Variants in PLXNB1 observed in about 807,000 individuals in gnomAD.
The protein encoded by PLXNB1 is plexin-B1.
PLXNB1 carries 106 observed loss-of-function variants against 209.4 expected under a neutral mutation model. The ratio of observed to expected loss-of-function variants is 0.51; its 90% CI spans 0.43 to 0.59. The LOEUF is 0.59. Ranked by LOEUF, PLXNB1 falls within the 20% of genes least tolerant of loss-of-function variation. PLXNB1 has a pLI of 0.00. For synonymous variants in PLXNB1, 1,167 were observed against 1,183.2 expected (o/e 0.99, Z 0.28); for missense variants, 2,357 against 2,853.2 (o/e 0.83, Z 3.96).
At chr3:48,421,109 G>A (rs2038487159) in intron 8 of PLXNB1, 119 bp downstream of exon 8, 1 of 1,349,682 alleles carries the variant, frequency 7.4e-7, no homozygotes. Flanking sequence ...GTTGGGGAGT[G>A]GGAGGACCCA....
chr3:48,419,560 C>T lies in PLXNB1; in HGVS notation c.2709+17G>A, dbSNP rs745872774. ...ACATCCCCTCCCCTGAGGCCTCCTT[C>T]CTGGGCTGGGCCTCACCAGCTCCCA... is the stretch of plus-strand genomic sequence containing the variant. On this transcript the variant is annotated intron_variant, in intron 11 of 37. Coordinates refer to ENST00000296440, the MANE Select transcript of PLXNB1 (RefSeq NM_001130082.3). This position sits in a 1 kb window ranked among gnomAD's most constrained non-coding sequence, Gnocchi z 5.7. 4 of 1,594,942 alleles carry T rather than the reference C, an allele frequency of 2.5e-6. No homozygotes were observed. The Admixed American group carries it at 6.7e-5, about 27-fold the overall frequency.
chr3:48,414,194 T>G (rs1416247988), intron 21 of PLXNB1, 123 bp from the exon 22 acceptor site: 11 of 861,748 alleles, frequency 1.3e-5, no homozygotes, highest in Non-Finnish European at 2.1e-5. Context: ...TCAGCACCCT[T>G]CCCGAGTGCA....
At position 48,413,988 on chromosome 3, in the gene PLXNB1, C is replaced by T. The variant is rs148631078; in HGVS notation, c.4293G>A (p.Thr1431=). ...GDGPCVVKTL[T]RHHLYCEPPV... ...GGGGCTCGCAGTACAGGTGGTGCCG[C>T]GTCAGCGTCTTCACCACACAGGGGC... Residue 1431 remains threonine, a synonymous_variant, in exon 22 of 38, where the codon ACG becomes ACA. Transcript: ENST00000296440. This position sits in a 1 kb window ranked among gnomAD's most constrained non-coding sequence, Gnocchi z 5.4. The T allele has an allele frequency of 7.9e-5, 127 of 1,613,682 alleles. No individual in the cohort carries two copies. The African/African-American group carries it at 9.2e-4, about 12-fold the overall frequency.
intron 1 of PLXNB1, among the ~76,000 whole-genome samples, chr3:48,428,658 A>G (rs890522895): frequency 6.6e-6 from 1 of 151,872 alleles, no homozygotes; most frequent in South Asian, 2.1e-4. Flanking sequence ...TACAGAGGTG[A>G]GTTATTCATT....
chr3:48,425,026 C>T (rs1032505271), intron 2 of PLXNB1, among the ~76,000 whole-genome samples: 1 of 152,152 alleles, frequency 6.6e-6, no homozygotes, highest in Non-Finnish European at 1.5e-5. Flanking sequence ...ATGAGGGTTT[C>T]CCGGGCAGAA....
At position 48,424,127 on chromosome 3, in the gene PLXNB1, C is replaced by T. The variant is rs764543285; in HGVS notation, c.485G>A (p.Gly162Glu). Reference sequence around the variant, plus strand: ...TCGCCCCACAAACAGGAGGGGCTCCCCTGCCAAGCCCTGGGCTACCAGCCC... The same window carrying T: ...TCGCCCCACAAACAGGAGGGGCTCCTCTGCCAAGCCCTGGGCTACCAGCCC... ...TVGLVAQGLAGEPLLFVGRGY... is the reference protein window; with the variant it reads ...TVGLVAQGLAEEPLLFVGRGY... Residue 162 changes from glycine to glutamate, a missense_variant, in exon 3 of 38, where the codon GGG (glycine) becomes GAG (glutamate). Transcript: ENST00000296440. 4.1e-5 allele frequency: 63 copies of T among 1,553,726 alleles called. No individual in the cohort carries two copies. Among genetic ancestry groups the T allele is most frequent in the Non-Finnish European group, 5.5e-5 (63 of 1,149,114 alleles).
At chr3:48,421,976 G>A (rs893508132) in intron 6 of PLXNB1, 129 bp downstream of exon 6, 3 of 1,292,256 alleles carry the variant, frequency 2.3e-6, no homozygotes, top group Non-Finnish European at 3.3e-6. Flanking sequence ...GGATGGGGGT[G>A]AGGAATTGGG....
At position 48,419,497 on chromosome 3, in the gene PLXNB1, G is replaced by T; in HGVS notation, c.2709+80C>A. On this transcript the variant is annotated intron_variant, in intron 11 of 37. Coordinates refer to ENST00000296440, the MANE Select transcript of PLXNB1 (RefSeq NM_001130082.3). This position sits in a 1 kb window ranked among gnomAD's most constrained non-coding sequence, Gnocchi z 5.7. ...ACCCTGCCCCTCACCTCCTCCCAGT[G>T]CAGAATCACAAGGCAAGCTAGGGGT... 6.6e-7 allele frequency: 1 copy of T among 1,511,774 alleles called. No individual in the cohort carries two copies. Among genetic ancestry groups the T allele is most frequent in the African/African-American group, 1.4e-5 (1 of 73,118 alleles). 93.6% of individuals were successfully genotyped at this position (1,511,774 alleles called of 1,614,324 possible). A position where few individuals can be genotyped will look rare whatever the true frequency, so the allele number is the denominator to read the frequency against.
chr3:48,413,012 G>A lies in PLXNB1; in HGVS notation c.4637-53C>T, dbSNP rs987105657. The A allele has an allele frequency of 1.9e-6, 3 of 1,603,308 alleles. No individual in the cohort carries two copies. The highest frequency in any genetic ancestry group is 1.1e-5 in the South Asian group (1 of 90,884). On this transcript the variant is annotated intron_variant, in intron 24 of 37. Transcript: ENST00000296440. The surrounding 1 kb of genome is among the most constrained non-coding windows in gnomAD (Gnocchi z 5.4). ...CACCTGTTAAGCACCAATCCCGTGT[G>A]ATGGGAGTGGGTTTGGGCAGAGTTC...
Position 48,410,824 on chromosome 3 carries a change from G to A in PLXNB1, c.5416+44C>T, listed in dbSNP as rs749471697. On this transcript the variant is annotated intron_variant, in intron 29 of 37. Transcript: ENST00000296440. The surrounding 1 kb of genome is among the most constrained non-coding windows in gnomAD (Gnocchi z 6.4). Reference sequence around the variant, plus strand: ...CAGAGTTGGTCCGGGGCCAGCCCAGGCCCAACAGTGGCTCAGGTCCCCAGG... The same window carrying A: ...CAGAGTTGGTCCGGGGCCAGCCCAGACCCAACAGTGGCTCAGGTCCCCAGG... The A allele has an allele frequency of 1.8e-5, 28 of 1,571,530 alleles. No homozygotes were observed. Among genetic ancestry groups the A allele is most frequent in the Non-Finnish European group, 2.2e-5 (25 of 1,156,068 alleles).
At chr3:48,407,309 T>C (rs2037373401) in intron 34 of PLXNB1, among the ~76,000 whole-genome samples, 1 of 152,078 alleles carries the variant, frequency 6.6e-6, no homozygotes, top group Admixed American at 6.5e-5. Flanking sequence ...CTTCCACCAA[T>C]GTCCAGTCTC....
rs2038465940 is a variant in PLXNB1 at position 48,420,871 on chromosome 3, G to A, written c.1896C>T (p.Val632=). Residue 632 remains valine (V), a synonymous_variant, in exon 9 of 38, where the codon GTC becomes GTT. Transcript: ENST00000296440. ...ACTGCGCAGATGGGCGGAGTTCAGTGACCGCCACACAGTCATAGAAAGAGA... is the reference window on the plus strand; with the variant it reads ...ACTGCGCAGATGGGCGGAGTTCAGTAACCGCCACACAGTCATAGAAAGAGA... ...TSLSFYDCVA[V]TELRPSAQCQ... is the part of the protein sequence containing the mutation. The A allele has an allele frequency of 6.2e-7, 1 of 1,613,848 alleles. No individual in the cohort carries two copies. The highest frequency in any genetic ancestry group is 1.1e-5 in the South Asian group (1 of 91,062).
intron 3 of PLXNB1, 127 bp downstream of exon 3, chr3:48,423,378 A>G: frequency 9.6e-7 from 1 of 1,038,200 alleles, no homozygotes; most frequent in Non-Finnish European, 1.4e-6. Context: ...AGCACTTAAT[A>G]TTTGCTGATC....
rs2038281168 is a variant in PLXNB1, at chr3:48,418,795, T to C, written c.2955+122A>G. 1 of 1,275,754 alleles carries C rather than the reference T, an allele frequency of 7.8e-7. No homozygotes were observed. Among genetic ancestry groups the C allele is most frequent in the Non-Finnish European group, 1.1e-6 (1 of 899,108 alleles). 79.0% of individuals were successfully genotyped at this position (1,275,754 alleles called of 1,614,324 possible). On this transcript the variant is annotated intron_variant, in intron 13 of 37. Transcript: ENST00000296440. This position sits in a 1 kb window ranked among gnomAD's most constrained non-coding sequence, Gnocchi z 6.6. ...AGAGGTCAGAAATGGGTGTGGAGAC[T>C]CCCTCAGGGCGACACGGTCAGAGCG...
chr3:48,419,521 G>A lies in PLXNB1; in HGVS notation c.2709+56C>T. The A allele has an allele frequency of 6.5e-7, 1 of 1,540,808 alleles. No homozygotes were observed. The highest frequency in any genetic ancestry group is 8.8e-7 in the Non-Finnish European group (1 of 1,133,756). On this transcript the variant is annotated intron_variant, in intron 11 of 37. Transcript: ENST00000296440. This position sits in a 1 kb window ranked among gnomAD's most constrained non-coding sequence, Gnocchi z 5.7. ...TGCAGAATCACAAGGCAAGCTAGGG[G>A]TAGCATCTTCCCCACATCCCCTCCC...
At position 48,407,023 on chromosome 3, in the gene PLXNB1, G is replaced by T. The variant is rs1172238731; in HGVS notation, c.6152+4C>A. 6.2e-7 allele frequency: 1 copy of T among 1,613,890 alleles called. No individual in the cohort carries two copies. The highest frequency in any genetic ancestry group is 1.3e-5 in the African/African-American group (1 of 74,878). ...CAACCTCTACCCACCGTGCCCTCCA[G>T]TACCTTTCCACCATCCGCTTGTACC... is the stretch of plus-strand genomic sequence containing the variant. On this transcript the variant is annotated splice_donor_region_variant and intron_variant, in intron 35 of 37. Coordinates refer to ENST00000296440, the MANE Select transcript of PLXNB1 (RefSeq NM_001130082.3).
rs2038017713 is a variant in PLXNB1, at chr3:48,415,414, A to G, written c.3795-67T>C. 6 of 1,531,668 alleles carry G rather than the reference A, an allele frequency of 3.9e-6. No individual in the cohort carries two copies. Among genetic ancestry groups the G allele is most frequent in the African/African-American group, 1.4e-5 (1 of 73,264 alleles). The allele number at this position is 1,531,668 out of a possible 1,614,324, so 94.9% of individuals were successfully genotyped here. A position where few individuals can be genotyped will look rare whatever the true frequency, so the allele number is the denominator to read the frequency against. ...GTTACCTGGACCTAAAGCACAGCCC[A>G]GTCCCGGCTAGGTCAGCTCAGCCCC... is the stretch of plus-strand genomic sequence containing the variant. On this transcript the variant is annotated intron_variant, in intron 19 of 37. Coordinates refer to ENST00000296440, the MANE Select transcript of PLXNB1 (RefSeq NM_001130082.3). This position sits in a 1 kb window ranked among gnomAD's most constrained non-coding sequence, Gnocchi z 5.0.
rs1018247535 is a variant in PLXNB1, at chr3:48,411,898, G to A, written c.5212C>T (p.Arg1738Cys). The A allele has an allele frequency of 6.2e-7, 1 of 1,614,092 alleles. No homozygotes were observed. Among genetic ancestry groups the A allele is most frequent in the South Asian group, 1.1e-5 (1 of 91,078 alleles). The stretch of plus-strand genomic sequence containing the variant: ...TACTCCACATCCTCTCTGAGCAGGC[G>A]GTTGTCGTTCAAGGTGTATTTGGCC... ...GKAKYTLNDNRLLREDVEYRP... is the reference protein window; with the variant it reads ...GKAKYTLNDNCLLREDVEYRP... The change falls in exon 28 of 38, where the codon CGC becomes TGC. Residue 1738 changes from arginine (R) to cysteine (C), a missense_variant. Around this residue, in one of 7 missense-constraint regions of PLXNB1, gnomAD observed 65 missense variants for 127.6 expected, o/e 0.51. Coordinates refer to ENST00000296440, the MANE Select transcript of PLXNB1 (RefSeq NM_001130082.3). This position sits in a 1 kb window ranked among gnomAD's most constrained non-coding sequence, Gnocchi z 4.0.
intron 2 of PLXNB1, 95 bp downstream of exon 2, chr3:48,425,186 G>C (rs1237497470): frequency 2.0e-5 from 3 of 153,814 alleles, no homozygotes; most frequent in African/African-American, 4.8e-5. Flanking sequence ...AGCTCGGAGG[G>C]GTGGGGCCTG....
Sources: gnomAD v4.1 joint callset for allele counts (sites outside exome capture counted in the v4.1 genomes callset) on GRCh38, gnomAD v4.1.1 for gene constraint, gnomAD v4.1.1 regional missense constraint, Gnocchi (gnomAD v3.1) non-coding constraint, MANE v1.5 for transcripts, NCBI Gene and HGNC (gene_info 2026-07-23, HGNC 2026-07-21) for gene names.